The following IGF1R variants were observed in gnomAD, a reference collection of about 807,000 sequenced individuals.
IGF1R encodes insulin-like growth factor 1 receptor.
A neutral mutation model predicts 144.6 loss-of-function variants in IGF1R; 44 were observed. The observed-to-expected ratio is 0.30, with a 90% CI of 0.24 to 0.39. The LOEUF (loss-of-function observed/expected upper bound fraction) is 0.39, where lower values mean the gene tolerates loss of function less well. Ranked by LOEUF, IGF1R falls within the 10% of genes least tolerant of loss-of-function variation. The pLI, the probability that IGF1R is intolerant of heterozygous loss-of-function variation, is 1.00. For missense variants in IGF1R, 1,355 were observed against 1,833.7 expected, an observed-to-expected ratio of 0.74 and a Z score of 4.77; for synonymous variants, 795 against 722.8, an observed-to-expected ratio of 1.10 and a Z score of -1.60.
intron 2 of IGF1R, among the ~76,000 whole-genome samples, chr15:98,825,721 A>G (rs1044453638): frequency 6.6e-6 from 1 of 152,242 alleles, no homozygotes; most frequent in Non-Finnish European, 1.5e-5. Context: ...CCATCTGTAG[A>G]TTACTTATAA....
At chr15:98,668,116 A>C (rs1167401494) in intron 1 of IGF1R, among the ~76,000 whole-genome samples, 1 of 152,084 alleles carries the variant, frequency 6.6e-6, no homozygotes, top group African/African-American at 2.4e-5. Flanking sequence ...GCAGATGACA[A>C]ATGTCATGTG....
chr15:98,734,984 C>T (rs987406772), intron 2 of IGF1R, among the ~76,000 whole-genome samples: 10 of 152,212 alleles, frequency 6.6e-5, no homozygotes, highest in South Asian at 2.1e-4. Flanking sequence ...GTATGGGTAG[C>T]GGTATCCTTC....
intron 2 of IGF1R, among the ~76,000 whole-genome samples, chr15:98,813,499 C>G (rs2056635665): frequency 6.6e-6 from 1 of 152,214 alleles, no homozygotes; most frequent in Non-Finnish European, 1.5e-5. Flanking sequence ...AATAAAGGCT[C>G]TCCTCCATGT....
chr15:98,668,388 T>C (rs2052797904), intron 1 of IGF1R, among the ~76,000 whole-genome samples: 1 of 152,170 alleles, frequency 6.6e-6, no homozygotes, highest in South Asian at 2.1e-4. Context: ...CTATGGAAGT[T>C]CTTGGCCAGG....
At chr15:98,908,949 C>G in intron 6 of IGF1R, 50 bp downstream of exon 6, 3 of 1,510,292 alleles carry the variant, frequency 2.0e-6, no homozygotes, top group Middle Eastern at 3.9e-4. Context: ...ATGATAACAG[C>G]AGACCCTCCT....
chr15:98,945,077 G>C lies in IGF1R; in HGVS notation c.3587+2025G>C, dbSNP rs118015428. On this transcript the variant is annotated intron_variant, in intron 19 of 20. Coordinates refer to ENST00000650285, the MANE Select transcript of IGF1R (RefSeq NM_000875.5). ...GCTGCTCTCCCTGCAGCTCCCTGTA[G>C]CACCATGTCCCTCTGAAATGACAAG... 8.4e-3 allele frequency among the ~76,000 whole-genome samples: 1,278 copies of C among 152,308 alleles called. 11 individuals are homozygous for C. Among genetic ancestry groups the C allele is most frequent in the Non-Finnish European group, 0.014 (920 of 68,018 alleles).
chr15:98,909,772 A>G (rs2014920338), intron 6 of IGF1R, among the ~76,000 whole-genome samples: 1 of 152,158 alleles, frequency 6.6e-6, no homozygotes, highest in Admixed American at 6.5e-5. Flanking sequence ...CCCTGAGTTG[A>G]TATTGCTTTT....
At chr15:98,776,157 T>TTTTAA (rs1206679382) in intron 2 of IGF1R, among the ~76,000 whole-genome samples, 3 of 151,354 alleles carry the variant, frequency 2.0e-5, no homozygotes, top group Admixed American at 2.0e-4. Flanking sequence ...TATTTATTTA[T>TTTTAA]TTTAATTTAA....
At chr15:98,780,589 A>C (rs2055839546) in intron 2 of IGF1R, among the ~76,000 whole-genome samples, 1 of 145,158 alleles carries the variant, frequency 6.9e-6, no homozygotes, top group Admixed American at 6.9e-5. Context: ...AGAGAGAGTA[A>C]ATAAAATTGT....
At chr15:98,790,105 A>G (rs1472067689) in intron 2 of IGF1R, among the ~76,000 whole-genome samples, 1 of 152,158 alleles carries the variant, frequency 6.6e-6, no homozygotes, top group Non-Finnish European at 1.5e-5. Context: ...AGGCCGGGAC[A>G]GGTGATTTCG....
intron 2 of IGF1R, among the ~76,000 whole-genome samples, chr15:98,744,574 G>T (rs1056134198): frequency 1.3e-5 from 2 of 152,030 alleles, no homozygotes; most frequent in African/African-American, 4.8e-5. Context: ...AGAGATAGAG[G>T]GGGGCTAAAA....
intron 4 of IGF1R, chr15:98,897,194 A>G (rs1269944781): frequency 6.8e-6 from 3 of 444,106 alleles, no homozygotes; most frequent in Non-Finnish European, 1.3e-5. Flanking sequence ...GCCCTGACAC[A>G]TACAAACCCC....
Position 98,721,807 on chromosome 15 carries a change from A to C in IGF1R, c.640+13700A>C, listed in dbSNP as rs185080961. Among the ~76,000 whole-genome samples, 42 of 152,256 alleles carry C rather than the reference A, an allele frequency of 2.8e-4. 1 individual carries two copies. The highest frequency in any genetic ancestry group is 2.5e-3 in the Admixed American group (38 of 15,302). On this transcript the variant is annotated intron_variant, in intron 2 of 20. Coordinates refer to ENST00000650285, the MANE Select transcript of IGF1R (RefSeq NM_000875.5). ...TAAATAACAGTAGAGTGTGAGAGTA[A>C]GTGTGTGTGCTAGAGAATGTGTGCA... is the stretch of plus-strand genomic sequence containing the variant.
At chr15:98,899,430 C>A (rs1255074058) in intron 4 of IGF1R, 47 bp from the exon 5 acceptor site, 3 of 1,596,806 alleles carry the variant, frequency 1.9e-6, no homozygotes, top group Middle Eastern at 1.8e-4. Flanking sequence ...AGTATGTCAC[C>A]CTTACACCAA....
At chr15:98,904,881 C>A (rs1049617992) in intron 5 of IGF1R, among the ~76,000 whole-genome samples, 4 of 152,202 alleles carry the variant, frequency 2.6e-5, no homozygotes, top group Admixed American at 6.5e-5. Flanking sequence ...AGGGGACTTT[C>A]ACACTTCAGA....
chr15:98,672,837 G>A (rs2052932579), intron 1 of IGF1R, among the ~76,000 whole-genome samples: 2 of 152,066 alleles, frequency 1.3e-5, no homozygotes, highest in African/African-American at 4.8e-5. Flanking sequence ...GAAAGTTGAA[G>A]CAGTGAATCT....
rs573904762 is a variant in IGF1R at position 98,760,068 on chromosome 15, G to A, written c.640+51961G>A. On this transcript the variant is annotated intron_variant, in intron 2 of 20. Transcript: ENST00000650285. ...TTAAATTGAGCATCTGACTGGGCGC[G>A]GTGGCTCACGCCTGTAATCCCAGCA... Among the ~76,000 whole-genome samples the A allele has an allele frequency of 3.9e-5, 6 of 152,092 alleles. 1 individual carries two copies. Among genetic ancestry groups the A allele is most frequent in the African/African-American group, 9.6e-5 (4 of 41,482 alleles).
intron 2 of IGF1R, among the ~76,000 whole-genome samples, chr15:98,820,168 GT>G (rs1364555947): frequency 6.6e-6 from 1 of 151,426 alleles, no homozygotes; most frequent in Non-Finnish European, 1.5e-5. Flanking sequence ...CATACCCCAA[GT>G]TGATGGCCTT....
chr15:98,809,805 C>G lies in IGF1R; in HGVS notation c.641-81520C>G, dbSNP rs956070762. On this transcript the variant is annotated intron_variant, in intron 2 of 20. Coordinates refer to ENST00000650285, the MANE Select transcript of IGF1R (RefSeq NM_000875.5). ...ACAGCTGCTTTGGAGGAACGTGGTT[C>G]CGGAGGGTTTCCCACTCTCCATCCT... Among the ~76,000 whole-genome samples the G allele has an allele frequency of 3.9e-5, 6 of 152,140 alleles. No homozygotes were observed. In the South Asian group the frequency reaches 1.0e-3, roughly 26 times the overall value.
Sources: allele counts gnomAD v4.1 joint callset (sites outside exome capture counted in the v4.1 genomes callset), GRCh38; gene constraint gnomAD v4.1.1; transcripts MANE v1.5; gene names NCBI Gene and HGNC (gene_info 2026-07-23, HGNC 2026-07-21).